AP3D1: variants seen among roughly 807,000 people sequenced by gnomAD.
AP3D1 encodes adaptor related protein complex 3 subunit delta 1.
AP3D1 carries 51 observed loss-of-function variants against 147.6 expected under a neutral mutation model. That is an observed-to-expected ratio of 0.35 (90% CI 0.28 to 0.44). AP3D1 has a LOEUF of 0.44. Ranked by LOEUF, AP3D1 falls within the 20% of genes least tolerant of loss-of-function variation. The probability of loss-of-function intolerance (pLI) is 1.00; values close to 1 mark genes in which losing one functional copy is unlikely to be tolerated. For synonymous variants in AP3D1, 760 were observed against 663.0 expected (o/e 1.15, Z -2.25); for missense variants, 1,421 against 1,624.2 (o/e 0.87, Z 2.15).
intron 29 of AP3D1, chr19:2,109,517 CA>C (rs1465330280): frequency 1.4e-5 from 7 of 484,336 alleles, no homozygotes; most frequent in Non-Finnish European, 2.6e-5. Context: ...TGCAGGCACG[CA>C]GAGGACGGCC....
chr19:2,130,937 C>T (rs975373809), intron 5 of AP3D1, among the ~76,000 whole-genome samples: 4 of 152,246 alleles, frequency 2.6e-5, no homozygotes, highest in African/African-American at 9.6e-5. Flanking sequence ...CCCAGGGAGT[C>T]GCCTCGAACT....
intron 3 of AP3D1, 137 bp from the exon 4 acceptor site, chr19:2,137,228 G>C: frequency 1.4e-6 from 1 of 722,160 alleles, no homozygotes; most frequent in Non-Finnish European, 2.4e-6. Flanking sequence ...GGGGCCACCA[G>C]CAAGTGGGAA....
intron 2 of AP3D1, among the ~76,000 whole-genome samples, chr19:2,138,247 G>GA (rs2145138960): frequency 6.6e-6 from 1 of 152,336 alleles, no homozygotes; most frequent in East Asian, 1.9e-4. Flanking sequence ...CTGCAGCCAG[G>GA]AAAGGAGCCA....
chr19:2,132,644 CCAGGAGCAG>C (rs1245453990), intron 4 of AP3D1, 66 bp from the exon 5 acceptor site: 3 of 1,430,492 alleles, frequency 2.1e-6, no homozygotes, highest in East Asian at 2.3e-5. Flanking sequence ...GCCTGGGTCA[CCAGGAGCAG>C]CAGGAGCGAA....
At chr19:2,113,518 A>G (rs991215257) in intron 22 of AP3D1, 105 bp from the exon 23 acceptor site, 12 of 644,344 alleles carry the variant, frequency 1.9e-5, no homozygotes, top group Non-Finnish European at 3.0e-5. Flanking sequence ...CGCTGCCCCC[A>G]GGGTCCTGGA....
Position 2,113,127 on chromosome 19 carries a change from C to A in AP3D1, c.2680-160G>T. 5 of 634,198 alleles carry A rather than the reference C, an allele frequency of 7.9e-6. No homozygotes were observed. The South Asian group carries it at 1.0e-4, about 13-fold the overall frequency. The allele number at this position is 634,198 out of a possible 1,614,324, so 39.3% of individuals were successfully genotyped here. A position where few individuals can be genotyped will look rare whatever the true frequency, so the allele number is the denominator to read the frequency against. On this transcript the variant is annotated intron_variant, in intron 23 of 31. Coordinates refer to ENST00000643116, the MANE Select transcript of AP3D1 (RefSeq NM_001261826.3). Reference sequence around the variant, plus strand: ...GACAGGGAGCCTGTGAGCACAGAGGCCCTGGCTGTCCTCCCCTTCCCCTGG... The same window carrying A: ...GACAGGGAGCCTGTGAGCACAGAGGACCTGGCTGTCCTCCCCTTCCCCTGG...
At position 2,151,335 on chromosome 19, in the gene AP3D1, C is replaced by G. The variant is rs2019504112; in HGVS notation, c.-1G>C. The G allele has an allele frequency of 1.9e-6, 3 of 1,578,310 alleles. No homozygotes were observed. The highest frequency in any genetic ancestry group is 2.8e-5 in the African/African-American group (2 of 71,520). ...TGCCCTTCACCATCTTGAGGGCCAT[C>G]GCGGCGGCCCACGGGCTTTTGCCTC... On this transcript the variant is annotated 5_prime_UTR_variant, in exon 1 of 32. Coordinates refer to ENST00000643116, the MANE Select transcript of AP3D1 (RefSeq NM_001261826.3).
intron 9 of AP3D1, among the ~76,000 whole-genome samples, chr19:2,124,583 G>T (rs2018700240): frequency 8.5e-5 from 13 of 152,204 alleles, no homozygotes; most frequent in Admixed American, 7.9e-4. Context: ...GCGTGTGCGT[G>T]TGCATGTGTT....
chr19:2,127,126 C>T, intron 9 of AP3D1, 26 bp downstream of exon 9: 1 of 1,613,332 alleles, frequency 6.2e-7, no homozygotes, highest in South Asian at 1.1e-5. Context: ...CCAGCCCTTC[C>T]AGATGGGGAG....
At chr19:2,153,394 G>GC (rs397950397), upstream of AP3D1, among the ~76,000 whole-genome samples, 1 of 148,904 alleles carries the variant, frequency 6.7e-6, no homozygotes, top group Non-Finnish European at 1.5e-5. Context: ...TGGGGGGGGG[G>GC]ACCGGGCACA....
intron 7 of AP3D1, 54 bp downstream of exon 7, chr19:2,129,264 G>C: frequency 6.3e-7 from 1 of 1,597,396 alleles, no homozygotes. Context: ...CCCACACAGG[G>C]TGAGGGAATG....
intron 1 of AP3D1, among the ~76,000 whole-genome samples, chr19:2,145,621 C>T (rs1196218880): frequency 2.0e-5 from 3 of 152,186 alleles, no homozygotes; most frequent in Non-Finnish European, 4.4e-5. Context: ...CTGGCGTCGC[C>T]GCTCCTGCCC....
chr19:2,110,257 C>T (rs780487372), intron 27 of AP3D1, 33 bp from the exon 28 acceptor site: 47 of 1,591,306 alleles, frequency 3.0e-5, no homozygotes, highest in Non-Finnish European at 3.4e-5. Flanking sequence ...GGGCCTGAGA[C>T]GCTGCGGGGG....
In AP3D1 at chr19:2,129,298, C is replaced by T; in HGVS notation, c.732+20G>A. On this transcript the variant is annotated intron_variant, in intron 7 of 31. Transcript: ENST00000643116. ...TGCCCCACACAGGGTGAGGAGGCCACATTCCCGGGCAGTACTTGCCAGCTT... is the reference window on the plus strand; with the variant it reads ...TGCCCCACACAGGGTGAGGAGGCCATATTCCCGGGCAGTACTTGCCAGCTT... 4 of 1,613,782 alleles carry T rather than the reference C, an allele frequency of 2.5e-6. No individual in the cohort carries two copies. Among genetic ancestry groups the T allele is most frequent in the African/African-American group, 1.3e-5 (1 of 75,010 alleles).
Position 2,117,273 on chromosome 19 carries a change from T to A in AP3D1, c.1808A>T (p.Glu603Val). ...AEEVSALFAG[E>V]LNPVAPKAQK... ...GGCCTTGGGGGCCACTGGGTTCAGC[T>A]CCCCAGCAAAGAGAGCGCTGACCTC... Residue 603 changes from glutamate (E) to valine (V), a missense_variant, in exon 16 of 32, where the codon GAG (glutamate) becomes GTG (valine). Coordinates refer to ENST00000643116, the MANE Select transcript of AP3D1 (RefSeq NM_001261826.3). 6.2e-7 allele frequency: 1 copy of A among 1,612,614 alleles called. No individual in the cohort carries two copies. The highest frequency in any genetic ancestry group is 1.1e-5 in the South Asian group (1 of 90,932).
chr19:2,122,660 C>T (rs1229313269), intron 11 of AP3D1, among the ~76,000 whole-genome samples: 1 of 152,220 alleles, frequency 6.6e-6, no homozygotes, highest in Non-Finnish European at 1.5e-5. Context: ...AACCATAAAA[C>T]ACGGTCACGA....
At chr19:2,115,762 A>G (rs1374300937) in intron 18 of AP3D1, 149 bp from the exon 19 acceptor site, 1 of 794,846 alleles carries the variant, frequency 1.3e-6, no homozygotes, top group African/African-American at 1.7e-5. Flanking sequence ...GAGCGCCGTG[A>G]GCGAGCGCAT....
At chr19:2,116,168 G>C in intron 18 of AP3D1, 39 bp downstream of exon 18, 5 of 1,598,866 alleles carry the variant, frequency 3.1e-6, no homozygotes, top group Non-Finnish European at 4.3e-6. Context: ...GGTGAGGGTA[G>C]AGGGTGCTGA....
Position 2,156,850 on chromosome 19 carries a change from A to G in AP3D1, c.-103+7506T>C, listed in dbSNP as rs2019649303. On this transcript the variant is annotated intron_variant, in intron 1 of 14. Coordinates refer to the AP3D1 transcript ENST00000643010. ...ATGACAGAGCGAGACTCTGTCTCAA[A>G]AAACTAAATAAATAAAACAAAACTA... 2.0e-5 allele frequency among the ~76,000 whole-genome samples: 3 copies of G among 151,760 alleles called. No individual in the cohort carries two copies. In the South Asian group the frequency reaches 6.2e-4, roughly 32 times the overall value.
Sources: allele counts gnomAD v4.1 joint callset (sites outside exome capture counted in the v4.1 genomes callset), GRCh38; gene constraint gnomAD v4.1.1; transcripts MANE v1.5; gene names NCBI Gene and HGNC (gene_info 2026-07-23, HGNC 2026-07-21).